The following MDGA2 variants were observed in gnomAD, a reference collection of about 807,000 sequenced individuals.
MDGA2 encodes MAM domain-containing glycosylphosphatidylinositol anchor protein 2.
In MDGA2, 40 loss-of-function variants were observed where a neutral mutation model predicts 117.8. The observed-to-expected ratio is 0.34, with a 90% CI of 0.26 to 0.44. MDGA2 has a LOEUF of 0.44. Among genes scored for constraint, MDGA2 ranks in the 20% least tolerant of loss-of-function variants. MDGA2 has a pLI of 1.00. For synonymous variants in MDGA2, 452 were observed against 439.0 expected (o/e 1.03, Z -0.37); for missense variants, 1,123 against 1,250.6 (o/e 0.90, Z 1.54).
chr14:46,921,829 T>G (rs1311992341), intron 9 of MDGA2, among the ~76,000 whole-genome samples: 1 of 152,170 alleles, frequency 6.6e-6, no homozygotes, highest in Non-Finnish European at 1.5e-5. Flanking sequence ...ACAAATTTAC[T>G]AAAGAAGTAA....
intron 1 of MDGA2, among the ~76,000 whole-genome samples, chr14:47,358,652 T>G (rs1355814642): frequency 1.3e-5 from 2 of 152,208 alleles, no homozygotes; most frequent in Non-Finnish European, 2.9e-5. Flanking sequence ...ATCAGTTGCA[T>G]GTCTTTACGT....
intron 1 of MDGA2, among the ~76,000 whole-genome samples, chr14:47,518,993 C>T (rs147544520): frequency 5.9e-5 from 9 of 152,196 alleles, no homozygotes; most frequent in African/African-American, 2.2e-4. Flanking sequence ...CAACTGAGGT[C>T]AGGAGTTCGA....
chr14:47,070,255 T>C (rs1004987593), intron 6 of MDGA2, among the ~76,000 whole-genome samples: 1 of 152,120 alleles, frequency 6.6e-6, no homozygotes, highest in African/African-American at 2.4e-5. Context: ...TTCTATTCTG[T>C]TACATAGATT....
chr14:47,469,080 T>G lies in MDGA2; in HGVS notation c.281-167530A>C, dbSNP rs1893663611. Among the ~76,000 whole-genome samples, 4 of 152,180 alleles carry G rather than the reference T, an allele frequency of 2.6e-5. No homozygotes were observed. In the South Asian group the frequency reaches 8.3e-4, roughly 31 times the overall value. On this transcript the variant is annotated intron_variant, in intron 1 of 16. Transcript: ENST00000399232. ...CTACATAATAGCATAATATAAATATTCAAAAACTGCTAAGTCAAGAGGCTT... is the reference window on the plus strand; with the variant it reads ...CTACATAATAGCATAATATAAATATGCAAAAACTGCTAAGTCAAGAGGCTT...
intron 1 of MDGA2, among the ~76,000 whole-genome samples, chr14:47,625,575 T>C (rs1897125528): frequency 6.6e-6 from 1 of 152,108 alleles, no homozygotes; most frequent in South Asian, 2.1e-4. Flanking sequence ...AACTGGCAAA[T>C]AAAAATAGAC....
intron 1 of MDGA2, among the ~76,000 whole-genome samples, chr14:47,447,314 C>T (rs778559162): frequency 6.6e-6 from 1 of 152,158 alleles, no homozygotes; most frequent in Non-Finnish European, 1.5e-5. Flanking sequence ...ATCCCAATGC[C>T]TCTCTCTGCT....
chr14:46,967,510 T>C (rs997120341), intron 8 of MDGA2, among the ~76,000 whole-genome samples: 33 of 152,192 alleles, frequency 2.2e-4, no homozygotes, highest in Non-Finnish European at 8.8e-5. Flanking sequence ...GTTGAATTGC[T>C]ACAATTAATA....
chr14:47,130,104 C>T (rs1882127694), intron 5 of MDGA2, among the ~76,000 whole-genome samples: 1 of 151,992 alleles, frequency 6.6e-6, no homozygotes, highest in African/African-American at 2.4e-5. Flanking sequence ...TAATTAGATC[C>T]CATTTGTCAA....
At chr14:47,530,597 C>T (rs990815890) in intron 1 of MDGA2, among the ~76,000 whole-genome samples, 6 of 152,254 alleles carry the variant, frequency 3.9e-5, no homozygotes, top group Non-Finnish European at 8.8e-5. Flanking sequence ...CCTCACTAAA[C>T]TTAATAATAA....
chr14:47,140,380 T>C (rs1010463410), intron 4 of MDGA2, among the ~76,000 whole-genome samples: 1 of 152,080 alleles, frequency 6.6e-6, no homozygotes, highest in Admixed American at 6.6e-5. Flanking sequence ...GCCAAAGCAA[T>C]TTTGAGCAAA....
At chr14:47,138,379 A>C (rs1015373267) in intron 4 of MDGA2, among the ~76,000 whole-genome samples, 4 of 152,098 alleles carry the variant, frequency 2.6e-5, no homozygotes, top group African/African-American at 9.7e-5. Context: ...AAATATGTTC[A>C]GTCTTGTAAT....
chr14:47,651,380 C>T (rs1897641643), intron 1 of MDGA2, among the ~76,000 whole-genome samples: 1 of 152,072 alleles, frequency 6.6e-6, no homozygotes, highest in Non-Finnish European at 1.5e-5. Context: ...AAGAACTTAG[C>T]GCTTCCGTGG....
chr14:47,610,423 T>C (rs1896826338), intron 1 of MDGA2, among the ~76,000 whole-genome samples: 1 of 151,998 alleles, frequency 6.6e-6, no homozygotes, highest in South Asian at 2.1e-4. Context: ...CCCTAATGAC[T>C]CTTCCAGAAA....
At chr14:46,990,325 A>C (rs1318332165) in intron 8 of MDGA2, among the ~76,000 whole-genome samples, 3 of 152,062 alleles carry the variant, frequency 2.0e-5, no homozygotes, top group Non-Finnish European at 4.4e-5. Context: ...ATAGAAATTC[A>C]AGTACTCATT....
intron 8 of MDGA2, chr14:46,996,974 T>A (rs9323124): frequency 0.2 from 77,755 of 388,572 alleles, 8,843 homozygotes; most frequent in Non-Finnish European, 0.23. Context: ...AATAGCTTCA[T>A]GCCAGGAAAT....
In MDGA2 at chr14:47,238,585, C is replaced by T. The variant is rs1594746189; in HGVS notation, c.421-20390G>A. 2.6e-5 allele frequency among the ~76,000 whole-genome samples: 4 copies of T among 151,586 alleles called. No homozygotes were observed. The South Asian group carries it at 6.3e-4, about 24-fold the overall frequency. ...TATTTAGGAATAATAAAAACATCAACATTATTAATTAAAATGTTTGTGTTA... is the reference window on the plus strand; with the variant it reads ...TATTTAGGAATAATAAAAACATCAATATTATTAATTAAAATGTTTGTGTTA... On this transcript the variant is annotated intron_variant, in intron 2 of 16. Transcript: ENST00000399232.
chr14:46,987,726 C>T (rs1886913561), intron 8 of MDGA2, among the ~76,000 whole-genome samples: 1 of 151,988 alleles, frequency 6.6e-6, no homozygotes, highest in African/African-American at 2.4e-5. Context: ...GACAGTGAAA[C>T]TTACAACTAT....
At chr14:47,535,121 G>A (rs1355951742) in intron 1 of MDGA2, among the ~76,000 whole-genome samples, 1 of 151,896 alleles carries the variant, frequency 6.6e-6, no homozygotes, top group Non-Finnish European at 1.5e-5. Context: ...TGGGTATTCA[G>A]TCTGTATTTT....
chr14:46,940,625 CA>C (rs10623885), intron 9 of MDGA2, among the ~76,000 whole-genome samples: 82 of 139,578 alleles, frequency 5.9e-4, no homozygotes, highest in Admixed American at 7.8e-4. Context: ...GAGACTGTCT[CA>C]AAAAAAAAAA....
Sources: allele counts gnomAD v4.1 joint callset (sites outside exome capture counted in the v4.1 genomes callset), GRCh38; gene constraint gnomAD v4.1.1; transcripts MANE v1.5; gene names NCBI Gene and HGNC (gene_info 2026-07-23, HGNC 2026-07-21).